The following ARHGEF3 variants were observed in gnomAD, a reference collection of about 807,000 sequenced individuals.
The protein encoded by ARHGEF3 is Rho guanine nucleotide exchange factor 3.
ARHGEF3 carries 28 observed loss-of-function variants against 63.2 expected under a neutral mutation model. The observed-to-expected ratio is 0.44, with a 90% CI of 0.33 to 0.61. ARHGEF3 has a LOEUF of 0.61. Ranked by LOEUF, ARHGEF3 falls within the 20% of genes least tolerant of loss-of-function variation. The probability of loss-of-function intolerance (pLI) is 0.03; values close to 1 mark genes in which losing one functional copy is unlikely to be tolerated. For missense variants in ARHGEF3, 533 were observed against 659.3 expected (o/e 0.81, Z 2.10); for synonymous variants, 266 against 254.2 (o/e 1.05, Z -0.44).
At chr3:56,877,238 A>T (rs2040615672) in intron 4 of ARHGEF3, among the ~76,000 whole-genome samples, 2 of 152,208 alleles carry the variant, frequency 1.3e-5, no homozygotes, top group Non-Finnish European at 1.5e-5. Context: ...GGGTTGGTGG[A>T]ATAGATTTAA....
intron 2 of ARHGEF3, among the ~76,000 whole-genome samples, chr3:57,014,057 T>G (rs1476119755): frequency 1.3e-5 from 2 of 152,110 alleles, no homozygotes; most frequent in Non-Finnish European, 2.9e-5. Context: ...GTCTGGAGCT[T>G]CACTCTTAAA....
chr3:57,002,281 G>A (rs182156673), intron 2 of ARHGEF3, among the ~76,000 whole-genome samples: 49 of 150,732 alleles, frequency 3.3e-4, no homozygotes, highest in African/African-American at 1.1e-3. Flanking sequence ...CAGTTCTTAA[G>A]TATCAGCAGT....
chr3:57,052,050 T>C (rs903565139), intron 1 of ARHGEF3, among the ~76,000 whole-genome samples: 1 of 152,202 alleles, frequency 6.6e-6, no homozygotes. Context: ...CTAAGTGCTT[T>C]ATGGTAATTA....
chr3:57,066,695 G>A (rs1182730352), intron 1 of ARHGEF3, among the ~76,000 whole-genome samples: 1 of 152,212 alleles, frequency 6.6e-6, no homozygotes, highest in Non-Finnish European at 1.5e-5. Flanking sequence ...TTTCTGTGAA[G>A]GTATTTTTTA....
intron 4 of ARHGEF3, among the ~76,000 whole-genome samples, chr3:56,856,754 A>G (rs1444258469): frequency 2.1e-5 from 3 of 143,288 alleles, no homozygotes; most frequent in Admixed American, 1.4e-4. Flanking sequence ...AGTGGCTGAC[A>G]CTTCTGCTGT....
At chr3:56,750,085 A>AT (rs2034635522) in intron 6 of ARHGEF3, among the ~76,000 whole-genome samples, 1 of 152,190 alleles carries the variant, frequency 6.6e-6, no homozygotes, top group South Asian at 2.1e-4. Flanking sequence ...CTTCCTGCCT[A>AT]TTTTTCTGGA....
At chr3:57,022,359 G>C (rs1448120202) in intron 2 of ARHGEF3, among the ~76,000 whole-genome samples, 2 of 150,980 alleles carry the variant, frequency 1.3e-5, no homozygotes, top group African/African-American at 4.9e-5. Context: ...GCAATAGCAG[G>C]GCTGATCAGA....
intron 2 of ARHGEF3, among the ~76,000 whole-genome samples, chr3:56,977,724 A>C (rs904771255): frequency 6.6e-6 from 1 of 152,184 alleles, no homozygotes; most frequent in Non-Finnish European, 1.5e-5. Context: ...GCTGGAATTG[A>C]GTTCCAGCTG....
intron 1 of ARHGEF3, among the ~76,000 whole-genome samples, chr3:57,055,797 T>A (rs961791830): frequency 1.3e-5 from 2 of 152,154 alleles, no homozygotes; most frequent in Admixed American, 1.3e-4. Context: ...CCAACAGAAT[T>A]CCAATGCACA....
At chr3:56,851,247 C>G (rs1283321606) in intron 4 of ARHGEF3, among the ~76,000 whole-genome samples, 1 of 152,092 alleles carries the variant, frequency 6.6e-6, no homozygotes, top group Non-Finnish European at 1.5e-5. Flanking sequence ...ACCTTCCCAC[C>G]TCCCTCCTAG....
intron 1 of ARHGEF3, among the ~76,000 whole-genome samples, chr3:57,049,520 G>A (rs1704589161): frequency 6.6e-6 from 1 of 152,208 alleles, no homozygotes; most frequent in African/African-American, 2.4e-5. Flanking sequence ...TCATTCCAGG[G>A]TTGCGTATGT....
chr3:57,045,137 G>A (rs1159275577), intron 1 of ARHGEF3, among the ~76,000 whole-genome samples: 1 of 152,054 alleles, frequency 6.6e-6, no homozygotes, highest in Non-Finnish European at 1.5e-5. Context: ...CGTGGTGGCG[G>A]GCACCTGTAA....
intron 3 of ARHGEF3, among the ~76,000 whole-genome samples, chr3:56,933,976 C>T (rs1003908678): frequency 6.6e-6 from 1 of 152,218 alleles, no homozygotes; most frequent in African/African-American, 2.4e-5. Flanking sequence ...CCTTCACACA[C>T]TTGCTCTCTT....
chr3:56,807,104 C>T (rs1006285688), intron 4 of ARHGEF3, among the ~76,000 whole-genome samples: 5 of 152,040 alleles, frequency 3.3e-5, no homozygotes, highest in African/African-American at 1.2e-4. Flanking sequence ...AGGCTGGTCT[C>T]GAACTCCTGA....
At chr3:56,943,368 G>A (rs1015754605) in intron 3 of ARHGEF3, among the ~76,000 whole-genome samples, 1 of 152,204 alleles carries the variant, frequency 6.6e-6, no homozygotes, top group Non-Finnish European at 1.5e-5. Context: ...GAACAACAAA[G>A]CCTGGATGGC....
chr3:56,899,605 A>G (rs1376065501), intron 3 of ARHGEF3, among the ~76,000 whole-genome samples: 1 of 152,268 alleles, frequency 6.6e-6, no homozygotes, highest in Non-Finnish European at 1.5e-5. Flanking sequence ...TATAAATATG[A>G]AAGAAAAAAT....
chr3:56,826,853 C>T (rs2038731945), intron 4 of ARHGEF3, among the ~76,000 whole-genome samples: 1 of 152,134 alleles, frequency 6.6e-6, no homozygotes, highest in Non-Finnish European at 1.5e-5. Flanking sequence ...ATTCACTACC[C>T]CAAATATTCT....
intron 1 of ARHGEF3, among the ~76,000 whole-genome samples, chr3:56,786,526 T>C (rs1329136215): frequency 6.6e-6 from 1 of 152,192 alleles, no homozygotes; most frequent in Non-Finnish European, 1.5e-5. Flanking sequence ...TGTAGTGCAT[T>C]TTTAATGACA....
intron 3 of ARHGEF3, among the ~76,000 whole-genome samples, chr3:56,937,774 C>T (rs780109054): frequency 1.4e-4 from 22 of 152,178 alleles, no homozygotes; most frequent in Non-Finnish European, 3.1e-4. Context: ...ATAGGATAGA[C>T]AGAGGAAATG....
Sources: gnomAD v4.1 joint callset for allele counts (sites outside exome capture counted in the v4.1 genomes callset) on GRCh38, gnomAD v4.1.1 for gene constraint, MANE v1.5 for transcripts, NCBI Gene and HGNC (gene_info 2026-07-23, HGNC 2026-07-21) for gene names.